Variants in IQGAP2 observed in about 807,000 individuals in gnomAD.
IQGAP2 encodes the protein IQ motif containing GTPase activating protein 2.
Under a neutral mutation model 201.3 loss-of-function variants are expected in IQGAP2, and 173 were observed. The observed-to-expected ratio is 0.86, with a 90% CI of 0.76 to 0.98. The LOEUF (loss-of-function observed/expected upper bound fraction) is 0.98. Among genes scored for constraint, IQGAP2 ranks in the 50% least tolerant of loss-of-function variants. The pLI is 0.00. For synonymous variants in IQGAP2, 675 were observed against 673.9 expected, an observed-to-expected ratio of 1.00 and a Z score of -0.03; for missense variants, 1,687 against 1,864.8, an observed-to-expected ratio of 0.90 and a Z score of 1.76.
At chr5:76,449,373 G>A (rs923036193) in intron 1 of IQGAP2, among the ~76,000 whole-genome samples, 16 of 151,980 alleles carry the variant, frequency 1.1e-4, no homozygotes, top group African/African-American at 3.1e-4. Flanking sequence ...TAATGAGTTG[G>A]TACTTTTTCC....
Position 76,445,530 on chromosome 5 carries a change from T to G in IQGAP2, c.47-16040T>G, listed in dbSNP as rs188446674. On this transcript the variant is annotated intron_variant, in intron 1 of 35. Transcript: ENST00000274364. ...CCCAGGCTGGAGTGCAATGGTGTGGTCTCGGCTCCCTGCAAACTTCGCCTC... is the reference window on the plus strand; with the variant it reads ...CCCAGGCTGGAGTGCAATGGTGTGGGCTCGGCTCCCTGCAAACTTCGCCTC... 6.8e-3 allele frequency among the ~76,000 whole-genome samples: 1,023 copies of G among 150,392 alleles called. 8 individuals carry two copies. The highest frequency in any genetic ancestry group is 0.022 in the African/African-American group (911 of 40,790).
intron 1 of IQGAP2, among the ~76,000 whole-genome samples, chr5:76,442,198 A>T (rs947606036): frequency 6.6e-6 from 1 of 152,194 alleles, no homozygotes; most frequent in African/African-American, 2.4e-5. Flanking sequence ...GTGCTTTCAT[A>T]GAGAATATAT....
chr5:76,673,991 G>T lies in IQGAP2; in HGVS notation c.3249G>T (p.Ser1083=). 6.2e-7 allele frequency: 1 copy of T among 1,608,924 alleles called. No homozygotes were observed. Among genetic ancestry groups the T allele is most frequent in the South Asian group, 1.1e-5 (1 of 90,952 alleles). ...ATATAGCCAAAGTACTGAAGAATTC[G>T]ATCCATGAGAAATTCCCCGATGCAA... ...LRYIAKVLKN[S]IHEKFPDATE... Residue 1083 remains serine, a synonymous_variant, in exon 26 of 36, where the codon TCG becomes TCT. Transcript: ENST00000274364.
intron 2 of IQGAP2, among the ~76,000 whole-genome samples, chr5:76,529,116 G>A (rs1042443966): frequency 3.3e-5 from 5 of 152,168 alleles, no homozygotes; most frequent in Non-Finnish European, 5.9e-5. Context: ...GGAGCAGGTG[G>A]CAGTGTTGAG....
In IQGAP2 at chr5:76,673,516, G is replaced by C; in HGVS notation, c.3136G>C (p.Ala1046Pro). Residue 1046 changes from alanine (A) to proline (P), a missense_variant, in exon 25 of 36, where the codon GCT becomes CCT. Ala to Pro is a conservative substitution (Grantham distance 27, BLOSUM62 -1). Coordinates refer to ENST00000274364, the MANE Select transcript of IQGAP2 (RefSeq NM_006633.5). ...CCCAGAAGTGAAAAATAAACTGGAGGCTTCCATTGAGAACCTGAGAAGGGT... is the reference window on the plus strand; with the variant it reads ...CCCAGAAGTGAAAAATAAACTGGAGCCTTCCATTGAGAACCTGAGAAGGGT... ...TYPEVKNKLE[A>P]SIENLRRVTD... 1 of 1,614,010 alleles carries C rather than the reference G, an allele frequency of 6.2e-7. No individual in the cohort carries two copies.
intron 30 of IQGAP2, among the ~76,000 whole-genome samples, chr5:76,687,341 A>G (rs1446091759): frequency 6.6e-6 from 1 of 152,244 alleles, no homozygotes; most frequent in Admixed American, 6.5e-5. Context: ...GATATTGCCC[A>G]AAAGGTTCAA....
chr5:76,498,629 G>A (rs1757113906), intron 2 of IQGAP2, among the ~76,000 whole-genome samples: 1 of 152,122 alleles, frequency 6.6e-6, no homozygotes, highest in Non-Finnish European at 1.5e-5. Flanking sequence ...GGGTTTTTAG[G>A]GTTAAATGAA....
At chr5:76,644,845 A>G (rs1251180264) in intron 17 of IQGAP2, among the ~76,000 whole-genome samples, 2 of 152,136 alleles carry the variant, frequency 1.3e-5, no homozygotes, top group East Asian at 3.8e-4. Context: ...CTTCTATGGA[A>G]CAAAAAAATT....
chr5:76,705,843 AG>A (rs1561617282), intron 35 of IQGAP2, among the ~76,000 whole-genome samples: 1 of 152,256 alleles, frequency 6.6e-6, no homozygotes, highest in African/African-American at 2.4e-5. Flanking sequence ...AGGACAGCTC[AG>A]GAATTATATC....
chr5:76,597,564 C>T lies in IQGAP2; in HGVS notation c.1033C>T (p.Gln345Ter), dbSNP rs1205711927. The change falls in exon 10 of 36, where the codon CAG becomes TAG. Residue 345 changes from glutamine to a stop codon, truncating the protein, a stop_gained. Transcript: ENST00000274364. LOFTEE classifies it high-confidence loss of function. Reference protein sequence around the residue: ...AVYPFAAAMYQNELFNLQKQN... With the variant: ...AVYPFAAAMY ...TTATCCCTTTGCTGCTGCCATGTAT[C>T]AGAACGAACTTTTCAACCTCCAGAA... The T allele has an allele frequency of 1.9e-6, 3 of 1,613,958 alleles. No individual in the cohort carries two copies. The highest frequency in any genetic ancestry group is 1.7e-5 in the Admixed American group (1 of 59,982).
chr5:76,602,371 C>T (rs17652394), intron 11 of IQGAP2, among the ~76,000 whole-genome samples: 40,896 of 152,058 alleles, frequency 0.27, 5,951 homozygotes, highest in South Asian at 0.47. Flanking sequence ...ACATATTTAG[C>T]ATCCCTGGCA....
At chr5:76,605,554 T>G (rs1747747204) in intron 11 of IQGAP2, among the ~76,000 whole-genome samples, 3 of 152,080 alleles carry the variant, frequency 2.0e-5, no homozygotes, top group Admixed American at 2.0e-4. Flanking sequence ...TGAAAAGGAA[T>G]TTCAGTATAT....
At chr5:76,480,225 G>T (rs1397813768) in intron 2 of IQGAP2, among the ~76,000 whole-genome samples, 1 of 152,108 alleles carries the variant, frequency 6.6e-6, no homozygotes, top group Non-Finnish European at 1.5e-5. Flanking sequence ...GCAAATATGT[G>T]TCCTCTGAGG....
chr5:76,492,877 T>G (rs1756642419), intron 2 of IQGAP2, among the ~76,000 whole-genome samples: 1 of 152,176 alleles, frequency 6.6e-6, no homozygotes, highest in African/African-American at 2.4e-5. Flanking sequence ...AAAATCACCT[T>G]AGTTGTCACG....
In IQGAP2 at chr5:76,588,891, G is replaced by A. The variant is rs1561487497; in HGVS notation, c.459-15G>A. 6.5e-7 allele frequency: 1 copy of A among 1,537,392 alleles called. No individual in the cohort carries two copies. The highest frequency in any genetic ancestry group is 8.9e-7 in the Non-Finnish European group (1 of 1,121,736). On this transcript the variant is annotated splice_polypyrimidine_tract_variant and intron_variant, in intron 5 of 35. Transcript: ENST00000274364. ...ATGATAAAATTTCTGATAATTTTGTGTTTTTTTCTTTCAGTTTGTATCTGT... is the reference window on the plus strand; with the variant it reads ...ATGATAAAATTTCTGATAATTTTGTATTTTTTTCTTTCAGTTTGTATCTGT...
In IQGAP2 at chr5:76,613,010, C is replaced by G. The variant is rs1460361635; in HGVS notation, c.1521+1827C>G. Among the ~76,000 whole-genome samples the G allele has an allele frequency of 3.3e-5, 5 of 152,336 alleles. No individual in the cohort carries two copies. The East Asian group carries it at 7.7e-4, about 23-fold the overall frequency. On this transcript the variant is annotated intron_variant, in intron 13 of 35. Coordinates refer to ENST00000274364, the MANE Select transcript of IQGAP2 (RefSeq NM_006633.5). ...TGGAGAAATGTATCCCCCATGGTGG[C>G]GCCCTCTGCACTGCCAGCCTTCCAA...
intron 2 of IQGAP2, among the ~76,000 whole-genome samples, chr5:76,492,032 G>A (rs1756582171): frequency 6.6e-6 from 1 of 152,126 alleles, no homozygotes; most frequent in African/African-American, 2.4e-5. Context: ...TAGAAAGGCT[G>A]CAGTGAGACA....
At chr5:76,609,554 C>T (rs1748092447) in intron 12 of IQGAP2, among the ~76,000 whole-genome samples, 1 of 151,988 alleles carries the variant, frequency 6.6e-6, no homozygotes, top group Admixed American at 6.6e-5. Flanking sequence ...AAATATTTAG[C>T]TAAATATTTT....
chr5:76,700,050 A>T (rs1204988775), intron 33 of IQGAP2, among the ~76,000 whole-genome samples: 1 of 152,084 alleles, frequency 6.6e-6, no homozygotes, highest in African/African-American at 2.4e-5. Flanking sequence ...TTACATAAAC[A>T]TATACACTAT....
Sources: allele counts gnomAD v4.1 joint callset (sites outside exome capture counted in the v4.1 genomes callset), GRCh38; gene constraint gnomAD v4.1.1; transcripts MANE v1.5; gene names NCBI Gene and HGNC (gene_info 2026-07-23, HGNC 2026-07-21).